The following MYO1B variants were observed in gnomAD, a reference collection of about 807,000 sequenced individuals.
The protein encoded by MYO1B is myosin IB, also known as unconventional myosin-Ib.
MYO1B carries 72 observed loss-of-function variants against 159.7 expected under a neutral mutation model. The observed-to-expected ratio is 0.45, with a 90% CI of 0.37 to 0.55. The LOEUF (loss-of-function observed/expected upper bound fraction) is 0.55, where lower values mean the gene tolerates loss of function less well. Among genes scored for constraint, MYO1B ranks in the 20% least tolerant of loss-of-function variants. The pLI is 0.00. For synonymous variants in MYO1B, 468 were observed against 473.8 expected, an observed-to-expected ratio of 0.99 and a Z score of 0.16; for missense variants, 1,062 against 1,364.8, an observed-to-expected ratio of 0.78 and a Z score of 3.50.
intron 7 of MYO1B, among the ~76,000 whole-genome samples, chr2:191,356,353 T>G (rs1253582983): frequency 9.3e-5 from 14 of 150,588 alleles, no homozygotes; most frequent in Non-Finnish European, 1.8e-4. Context: ...TTTTTTTTTT[T>G]TTTTGAGTTT....
chr2:191,300,300 A>C (rs935063357), intron 3 of MYO1B, among the ~76,000 whole-genome samples: 1 of 151,750 alleles, frequency 6.6e-6, no homozygotes, highest in Non-Finnish European at 1.5e-5. Context: ...AACTTTGCCA[A>C]TTAACTTACC....
At chr2:191,417,043 G>C (rs1697620105) in intron 30 of MYO1B, among the ~76,000 whole-genome samples, 1 of 152,078 alleles carries the variant, frequency 6.6e-6, no homozygotes, top group Non-Finnish European at 1.5e-5. Context: ...TCAATAGATT[G>C]TTTACCTGCT....
intron 3 of MYO1B, among the ~76,000 whole-genome samples, chr2:191,322,239 G>A (rs1690769698): frequency 6.6e-6 from 1 of 152,144 alleles, no homozygotes; most frequent in Admixed American, 6.5e-5. Flanking sequence ...GTCCTCAGCA[G>A]CACAAGGGAT....
intron 6 of MYO1B, among the ~76,000 whole-genome samples, chr2:191,346,836 T>G (rs532452125): frequency 8.8e-4 from 134 of 152,288 alleles, no homozygotes; most frequent in Non-Finnish European, 1.3e-3. Flanking sequence ...AAAATGCTAC[T>G]TCTCCCTACA....
intron 3 of MYO1B, 73 bp from the exon 4 acceptor site, chr2:191,329,862 C>T (rs1328156333): frequency 1.6e-6 from 2 of 1,278,358 alleles, no homozygotes; most frequent in Admixed American, 2.0e-5. Flanking sequence ...CTTTAAGGAG[C>T]TTGTAGTTCC....
At chr2:191,341,393 TC>T in intron 4 of MYO1B, 67 bp from the exon 5 acceptor site, 1 of 1,344,238 alleles carries the variant, frequency 7.4e-7, no homozygotes, top group Non-Finnish European at 1.1e-6. Context: ...CTCCCACATT[TC>T]CTCCTCCCCA....
intron 24 of MYO1B, among the ~76,000 whole-genome samples, chr2:191,405,500 G>T (rs1358226249): frequency 6.6e-6 from 1 of 152,200 alleles, no homozygotes; most frequent in Non-Finnish European, 1.5e-5. Flanking sequence ...TCCACCAGAG[G>T]AATCACTGTC....
intron 3 of MYO1B, among the ~76,000 whole-genome samples, chr2:191,299,456 T>C (rs2125823801): frequency 6.6e-6 from 1 of 152,294 alleles, no homozygotes; most frequent in Non-Finnish European, 1.5e-5. Context: ...GGGAGCATCC[T>C]TGCATAGAAT....
chr2:191,356,353 TTTTTGA>T (rs894061261), intron 7 of MYO1B, among the ~76,000 whole-genome samples: 1 of 150,588 alleles, frequency 6.6e-6, no homozygotes, highest in African/African-American at 2.4e-5. Context: ...TTTTTTTTTT[TTTTTGA>T]GTTTTGAGTT....
chr2:191,349,997 T>C (rs1692808362), intron 6 of MYO1B, among the ~76,000 whole-genome samples, 165 bp from the exon 7 acceptor site: 3 of 152,196 alleles, frequency 2.0e-5, no homozygotes, highest in African/African-American at 7.2e-5. Flanking sequence ...ATGAATTATT[T>C]ATGGAGGCAT....
chr2:191,326,766 A>G (rs1020207678), intron 3 of MYO1B, among the ~76,000 whole-genome samples: 6 of 120,228 alleles, frequency 5.0e-5, no homozygotes, highest in East Asian at 2.6e-4. Flanking sequence ...TTGTGTTTGT[A>G]TATATGTGTG....
chr2:191,389,990 T>C (rs989335825), intron 17 of MYO1B, among the ~76,000 whole-genome samples: 1 of 152,212 alleles, frequency 6.6e-6, no homozygotes, highest in African/African-American at 2.4e-5. Context: ...ATAAATGGAA[T>C]CATAACTACA....
chr2:191,340,542 C>T (rs1165932292), intron 4 of MYO1B, among the ~76,000 whole-genome samples: 3 of 152,148 alleles, frequency 2.0e-5, no homozygotes, highest in East Asian at 3.8e-4. Flanking sequence ...TTATCCTTTG[C>T]CTCATGTGGC....
chr2:191,310,056 T>G (rs1689901082), intron 3 of MYO1B, among the ~76,000 whole-genome samples: 1 of 152,330 alleles, frequency 6.6e-6, no homozygotes, highest in South Asian at 2.1e-4. Context: ...GTTTTGTCTT[T>G]AAGGATTGTC....
At chr2:191,254,998 G>A (rs1047982427) in intron 1 of MYO1B, among the ~76,000 whole-genome samples, 1 of 152,100 alleles carries the variant, frequency 6.6e-6, no homozygotes, top group Non-Finnish European at 1.5e-5. Context: ...TGTGAACATA[G>A]CTCACTGCAG....
At chr2:191,363,315 C>T (rs375300734) in intron 9 of MYO1B, among the ~76,000 whole-genome samples, 1 of 152,152 alleles carries the variant, frequency 6.6e-6, no homozygotes. Flanking sequence ...GTATCTTGGG[C>T]TGGGCTCTTC....
intron 2 of MYO1B, among the ~76,000 whole-genome samples, chr2:191,279,891 T>A (rs1687955979): frequency 6.6e-6 from 1 of 152,174 alleles, no homozygotes; most frequent in African/African-American, 2.4e-5. Context: ...CTATGTCTGA[T>A]AAGGGGGCCA....
intron 26 of MYO1B, among the ~76,000 whole-genome samples, chr2:191,410,414 C>A (rs1319842696): frequency 6.6e-6 from 1 of 152,230 alleles, no homozygotes; most frequent in Non-Finnish European, 1.5e-5. Context: ...CCCTGCTCCT[C>A]TGGCCACTGT....
intron 23 of MYO1B, chr2:191,402,326 G>C (rs1169880168): frequency 8.1e-6 from 3 of 368,696 alleles, no homozygotes; most frequent in Non-Finnish European, 1.5e-5. Context: ...GTGTGGAGAA[G>C]GCAGCGAACA....
Sources: gnomAD v4.1 joint callset for allele counts (sites outside exome capture counted in the v4.1 genomes callset) on GRCh38, gnomAD v4.1.1 for gene constraint, MANE v1.5 for transcripts, NCBI Gene and HGNC (gene_info 2026-07-23, HGNC 2026-07-21) for gene names.